ATOSB: variants seen among roughly 807,000 people sequenced by gnomAD.
The protein encoded by ATOSB is atos homolog B.
chr9:35,114,335 T>C, the ATOSB span, among the ~76,000 whole-genome samples: 2 of 152,136 alleles, frequency 1.3e-5, no homozygotes, highest in Non-Finnish European at 2.9e-5. Flanking sequence ...GCCTGCCCTT[T>C]TTTACCCCAC....
chr9:35,106,709 G>A, the ATOSB span: 1 of 1,462,988 alleles, frequency 6.8e-7, no homozygotes, highest in Non-Finnish European at 9.3e-7. The surrounding 1 kb of genome is among the most constrained non-coding windows in gnomAD (Gnocchi z 4.6). Context: ...TTATGCCCTT[G>A]GACTCCACCC....
chr9:35,106,889 G>A, the ATOSB span: 3 of 1,567,678 alleles, frequency 1.9e-6, no homozygotes, highest in Non-Finnish European at 1.7e-6. This position sits in a 1 kb window ranked among gnomAD's most constrained non-coding sequence, Gnocchi z 4.6. Context: ...AGTCTGTTGG[G>A]TCCTACGGAG....
the ATOSB span, chr9:35,106,105 C>T: frequency 6.6e-7 from 1 of 1,508,674 alleles, no homozygotes; most frequent in South Asian, 1.2e-5. The surrounding 1 kb of genome is among the most constrained non-coding windows in gnomAD (Gnocchi z 4.6). Flanking sequence ...CCTGAACCTG[C>T]CCCTGCCCTA....
the ATOSB span, chr9:35,107,342 A>ATT: frequency 6.4e-7 from 1 of 1,552,908 alleles, no homozygotes; most frequent in Non-Finnish European, 8.6e-7. Flanking sequence ...AAAAAAAAAA[A>ATT]AGTAAAAAAA....
the ATOSB span, chr9:35,108,568 T>A: frequency 8.4e-6 from 10 of 1,187,954 alleles, no homozygotes; most frequent in African/African-American, 3.2e-5. Context: ...CTGGACACAC[T>A]TCCCCCTCTT....
the ATOSB span, among the ~76,000 whole-genome samples, chr9:35,114,777 C>A: frequency 1.3e-5 from 2 of 152,176 alleles, no homozygotes; most frequent in African/African-American, 4.8e-5. Context: ...GAAGCCCTAG[C>A]GTTCCCTACC....
At chr9:35,108,608 C>G in the ATOSB span, 17 of 1,095,450 alleles carry the variant, frequency 1.6e-5, no homozygotes, top group Non-Finnish European at 1.9e-5. Flanking sequence ...ATGAAGAGGC[C>G]TCAAGCCTAG....
the ATOSB span, chr9:35,108,092 C>T: frequency 6.5e-7 from 1 of 1,547,170 alleles, no homozygotes; most frequent in Non-Finnish European, 8.7e-7. Flanking sequence ...CCCTATGAGG[C>T]TCAGAGGTAC....
At chr9:35,106,633 G>C in the ATOSB span, 2 of 1,552,860 alleles carry the variant, frequency 1.3e-6, no homozygotes, top group Non-Finnish European at 1.7e-6. The surrounding 1 kb of genome is among the most constrained non-coding windows in gnomAD (Gnocchi z 4.6). Flanking sequence ...CGGAGGCTTC[G>C]AAGGGGGCTC....
chr9:35,111,316 TCCGTC>T, the ATOSB span: 3 of 156,062 alleles, frequency 1.9e-5, no homozygotes, highest in African/African-American at 2.4e-5. Flanking sequence ...TCCGGGCCCT[TCCGTC>T]CCGTCCCGTC....
At chr9:35,106,664 CAG>C in the ATOSB span, 15 of 1,532,332 alleles carry the variant, frequency 9.8e-6, no homozygotes, top group South Asian at 4.8e-5. The surrounding 1 kb of genome is among the most constrained non-coding windows in gnomAD (Gnocchi z 4.6). Flanking sequence ...AAGGGAAACA[CAG>C]GGGGTTGGCT....
the ATOSB span, among the ~76,000 whole-genome samples, chr9:35,115,045 C>T: frequency 1.9e-4 from 14 of 73,640 alleles, no homozygotes; most frequent in South Asian, 3.5e-3. Context: ...AAGGGCAGGG[C>T]GGGGGAGGGG....
the ATOSB span, chr9:35,104,582 T>C: frequency 5.2e-5 from 20 of 384,572 alleles, no homozygotes. Flanking sequence ...GACAAGCTTG[T>C]GCACACACAC....
the ATOSB span, chr9:35,107,574 G>T: frequency 6.3e-7 from 1 of 1,589,012 alleles, no homozygotes; most frequent in Non-Finnish European, 8.6e-7. Context: ...GGGGCCTGGG[G>T]GTCCAGGGCC....
the ATOSB span, among the ~76,000 whole-genome samples, chr9:35,112,025 C>T: frequency 6.6e-6 from 1 of 152,252 alleles, no homozygotes; most frequent in Non-Finnish European, 1.5e-5. Context: ...CCCCAAATAC[C>T]TCACTCCCAT....
the ATOSB span, chr9:35,115,840 T>C: frequency 6.6e-6 from 1 of 152,194 alleles, no homozygotes; most frequent in African/African-American, 2.4e-5. Flanking sequence ...CTTGGGGACG[T>C]GGTAGTGGTT....
At chr9:35,114,959 C>T in the ATOSB span, among the ~76,000 whole-genome samples, 1 of 151,282 alleles carries the variant, frequency 6.6e-6, no homozygotes, top group African/African-American at 2.4e-5. Flanking sequence ...GGGCAGGGCA[C>T]AGCTCCTAGA....
chr9:35,108,255 T>G, the ATOSB span: 3 of 1,559,884 alleles, frequency 1.9e-6, no homozygotes, highest in African/African-American at 4.1e-5. Context: ...TGGAGACGGC[T>G]CCGCCTGCAC....
the ATOSB span, chr9:35,110,959 C>T: frequency 6.6e-6 from 1 of 152,202 alleles, no homozygotes; most frequent in Non-Finnish European, 1.5e-5. Flanking sequence ...CATACATCCA[C>T]ACAAGCTAGG....
Sources: gnomAD v4.1 joint callset for allele counts (sites outside exome capture counted in the v4.1 genomes callset) on GRCh38, gnomAD v4.1.1 for gene constraint, Gnocchi (gnomAD v3.1) non-coding constraint, MANE v1.5 for transcripts, NCBI Gene and HGNC (gene_info 2026-07-23, HGNC 2026-07-21) for gene names.